The following GABRB2 variants were observed in gnomAD, a reference collection of about 807,000 sequenced individuals.
GABRB2 encodes gamma-aminobutyric acid receptor subunit beta-2.
Under a neutral mutation model 54.7 loss-of-function variants are expected in GABRB2, and 16 were observed. The ratio of observed to expected loss-of-function variants is 0.29; its 90% CI spans 0.20 to 0.44. The LOEUF (loss-of-function observed/expected upper bound fraction) is 0.44, where lower values mean the gene tolerates loss of function less well. Among genes scored for constraint, GABRB2 ranks in the 20% least tolerant of loss-of-function variants. The pLI, the probability that GABRB2 is intolerant of heterozygous loss-of-function variation, is 1.00. For missense variants in GABRB2, 355 were observed against 644.0 expected, an observed-to-expected ratio of 0.55 and a Z score of 4.86; for synonymous variants, 244 against 233.8, an observed-to-expected ratio of 1.04 and a Z score of -0.40.
chr5:161,463,560 T>G (rs1379985564), intron 3 of GABRB2, among the ~76,000 whole-genome samples: 20 of 59,402 alleles, frequency 3.4e-4, no homozygotes, highest in African/African-American at 9.4e-4. Flanking sequence ...TTTATTTATA[T>G]ATATATATAT....
intron 5 of GABRB2, among the ~76,000 whole-genome samples, chr5:161,381,160 T>C (rs908562520): frequency 6.6e-6 from 1 of 152,194 alleles, no homozygotes; most frequent in Non-Finnish European, 1.5e-5. Context: ...CATTTGCATG[T>C]ACCAGCTTGA....
intron 5 of GABRB2, among the ~76,000 whole-genome samples, chr5:161,404,778 A>C (rs760104358): frequency 6.6e-6 from 1 of 152,148 alleles, no homozygotes; most frequent in Non-Finnish European, 1.5e-5. Flanking sequence ...CATTGCTCTC[A>C]GAGGTATATG....
chr5:161,417,708 G>A (rs1172045346), intron 4 of GABRB2, among the ~76,000 whole-genome samples: 27 of 152,042 alleles, frequency 1.8e-4, no homozygotes, highest in Admixed American at 1.8e-3. Context: ...CAATTATGTA[G>A]ATTAGCCCAC....
Position 161,326,457 on chromosome 5 carries a change from T to TTA in GABRB2, c.1101_1102insTA (p.Asn368Ter). 15 of 1,613,514 alleles carry TTA rather than the reference T, an allele frequency of 9.3e-6. No individual in the cohort carries two copies. Among genetic ancestry groups the TTA allele is most frequent in the Non-Finnish European group, 1.3e-5 (15 of 1,179,582 alleles). On this transcript the variant is annotated frameshift_variant, in exon 9 of 10. Transcript: ENST00000393959. LOFTEE classifies it high-confidence loss of function. Reference sequence around the variant, plus strand: ...CACAAGGATCGATATTGGGTCCCATTTTGTTTAATATCTTTATAAAAAATC... The same window carrying TTA: ...CACAAGGATCGATATTGGGTCCCATTTATTGTTTAATATCTTTATAAAAAATC...
At chr5:161,456,774 C>T (rs1293963504) in intron 4 of GABRB2, among the ~76,000 whole-genome samples, 1 of 152,100 alleles carries the variant, frequency 6.6e-6, no homozygotes, top group African/African-American at 2.4e-5. Context: ...AATATTATTA[C>T]TATTTTAAGT....
chr5:161,307,298 G>A (rs1757717316), intron 9 of GABRB2, among the ~76,000 whole-genome samples: 2 of 152,256 alleles, frequency 1.3e-5, no homozygotes, highest in South Asian at 4.1e-4. Context: ...TACTTCTAAA[G>A]GAATTTGTTT....
chr5:161,366,574 CAAGGT>C (rs1403736770), intron 5 of GABRB2, among the ~76,000 whole-genome samples: 2 of 152,128 alleles, frequency 1.3e-5, no homozygotes, highest in Non-Finnish European at 2.9e-5. Flanking sequence ...ACTTTTAGCA[CAAGGT>C]AAGTGCTCAA....
At chr5:161,423,310 C>T (rs1013800036) in intron 4 of GABRB2, among the ~76,000 whole-genome samples, 5 of 152,082 alleles carry the variant, frequency 3.3e-5, no homozygotes, top group Non-Finnish European at 7.4e-5. Flanking sequence ...GATAGGCATA[C>T]CTCCTTTTAT....
Position 161,309,779 on chromosome 5 carries a change from C to T in GABRB2, c.1192-15351G>A, listed in dbSNP as rs112606261. On this transcript the variant is annotated intron_variant, in intron 9 of 9. Coordinates refer to ENST00000393959, the MANE Select transcript of GABRB2 (RefSeq NM_001371727.1). ...CTGAGTAGCTAGGACTACAGGCGCC[C>T]GCCACTATGCCCAACTAATTTTTTT... Among the ~76,000 whole-genome samples the T allele has an allele frequency of 8.0e-3, 1,208 of 151,704 alleles. 14 individuals are homozygous for T. Among genetic ancestry groups the T allele is most frequent in the African/African-American group, 0.025 (1,043 of 41,294 alleles).
intron 4 of GABRB2, among the ~76,000 whole-genome samples, chr5:161,419,238 G>T (rs1415926962): frequency 7.2e-5 from 11 of 152,124 alleles, no homozygotes; most frequent in Admixed American, 7.2e-4. Flanking sequence ...TCAGAGAAAT[G>T]CATGTTAAAA....
intron 3 of GABRB2, among the ~76,000 whole-genome samples, chr5:161,487,855 C>T (rs994562020): frequency 6.6e-6 from 1 of 151,848 alleles, no homozygotes; most frequent in African/African-American, 2.4e-5. Context: ...CTCCTAAATT[C>T]TTACAATTTG....
intron 3 of GABRB2, among the ~76,000 whole-genome samples, chr5:161,511,475 T>C (rs1419914311): frequency 6.6e-6 from 1 of 152,016 alleles, no homozygotes; most frequent in Non-Finnish European, 1.5e-5. Flanking sequence ...TCACTCAAAC[T>C]GAAAATGTGG....
intron 4 of GABRB2, among the ~76,000 whole-genome samples, chr5:161,437,161 C>T (rs2113196545): frequency 6.6e-6 from 1 of 152,160 alleles, no homozygotes; most frequent in South Asian, 2.1e-4. Flanking sequence ...GCAGCTGGGA[C>T]AGTCAGTGGA....
chr5:161,529,409 A>G (rs937919690), intron 3 of GABRB2, among the ~76,000 whole-genome samples: 2 of 151,984 alleles, frequency 1.3e-5, no homozygotes, highest in African/African-American at 4.8e-5. Context: ...CTTTCCCTTA[A>G]CATCAGAAGA....
At chr5:161,348,510 A>G (rs1754381642) in intron 5 of GABRB2, among the ~76,000 whole-genome samples, 1 of 151,802 alleles carries the variant, frequency 6.6e-6, no homozygotes, top group Admixed American at 6.6e-5. Context: ...GAAAGTGAAT[A>G]AGGCAAGTCA....
At chr5:161,462,329 A>C (rs1427674944) in intron 3 of GABRB2, among the ~76,000 whole-genome samples, 1 of 152,238 alleles carries the variant, frequency 6.6e-6, no homozygotes, top group Non-Finnish European at 1.5e-5. Flanking sequence ...CATGAATTAT[A>C]TAACTAGAAA....
rs73797584 is a variant in GABRB2 at position 161,359,496 on chromosome 5, A to G, written c.542-22727T>C. On this transcript the variant is annotated intron_variant, in intron 5 of 9. Coordinates refer to ENST00000393959, the MANE Select transcript of GABRB2 (RefSeq NM_001371727.1). Reference sequence around the variant, plus strand: ...ATTGCTCATGAAGGCATAAGAAGGCATAAGATTTCTTTCCCTCAGGGTATA... The same window carrying G: ...ATTGCTCATGAAGGCATAAGAAGGCGTAAGATTTCTTTCCCTCAGGGTATA... Among the ~76,000 whole-genome samples the G allele has an allele frequency of 4.3e-3, 652 of 151,514 alleles. 7 individuals carry two copies. The highest frequency in any genetic ancestry group is 0.014 in the African/African-American group (577 of 41,458).
intron 5 of GABRB2, among the ~76,000 whole-genome samples, chr5:161,364,167 T>C (rs1432694490): frequency 6.6e-6 from 1 of 152,154 alleles, no homozygotes; most frequent in African/African-American, 2.4e-5. Context: ...GAATGGCAGA[T>C]ACACAAAAAT....
intron 5 of GABRB2, among the ~76,000 whole-genome samples, chr5:161,348,210 T>TA (rs1300545678): frequency 6.6e-6 from 1 of 152,076 alleles, no homozygotes; most frequent in Non-Finnish European, 1.5e-5. Context: ...ACTTCATAAT[T>TA]ACCATGTTAG....
Sources: gnomAD v4.1 joint callset for allele counts (sites outside exome capture counted in the v4.1 genomes callset) on GRCh38, gnomAD v4.1.1 for gene constraint, MANE v1.5 for transcripts, NCBI Gene and HGNC (gene_info 2026-07-23, HGNC 2026-07-21) for gene names.